Variants in HMGN5 observed in about 807,000 individuals in gnomAD.
HMGN5 encodes high mobility group nucleosome-binding domain-containing protein 5.
Under a neutral mutation model 9.5 loss-of-function variants are expected in HMGN5, and 4 were observed. The observed-to-expected ratio is 0.42, with a 90% CI of 0.21 to 0.96. The LOEUF is 0.96. HMGN5 is among the 40% of genes least tolerant of loss of function. The probability of loss-of-function intolerance (pLI) is 0.30; values close to 1 mark genes in which losing one functional copy is unlikely to be tolerated. For missense variants in HMGN5, 192 were observed against 187.5 expected (o/e 1.02, Z -0.14); for synonymous variants, 55 against 57.1 (o/e 0.96, Z 0.16).
At chrX:81,123,752 C>T (rs2075275431) in intron 1 of HMGN5, among the ~76,000 whole-genome samples, 1 of 112,165 alleles carries the variant, frequency 8.9e-6, no homozygotes, top group South Asian at 3.6e-4. Flanking sequence ...TAGGATTGAG[C>T]AAACAGATGC....
chrX:81,141,496 G>A (rs1016276853), intron 1 of HMGN5, among the ~76,000 whole-genome samples: 8 of 110,101 alleles, frequency 7.3e-5, no homozygotes, highest in African/African-American at 2.3e-4. Flanking sequence ...GAGAGAAAGA[G>A]AGAGAGAGAG....
chrX:81,192,266 C>T (rs1488738868), intron 1 of HMGN5, among the ~76,000 whole-genome samples: 4 of 111,425 alleles, frequency 3.6e-5, no homozygotes, highest in Non-Finnish European at 5.7e-5. Flanking sequence ...TTGAAATGTA[C>T]TCATCAAGCT....
At chrX:81,120,825 A>T (rs2075266453) in intron 2 of HMGN5, among the ~76,000 whole-genome samples, 1 of 111,176 alleles carries the variant, frequency 9.0e-6, no homozygotes, top group African/African-American at 3.3e-5. Flanking sequence ...ATTCTGCACT[A>T]CTAAAGTGAA....
chrX:81,175,318 GTATT>G (rs2075438404), intron 1 of HMGN5, among the ~76,000 whole-genome samples: 2 of 107,769 alleles, frequency 1.9e-5, no homozygotes, highest in Non-Finnish European at 3.8e-5. Context: ...ATTTAGCAAA[GTATT>G]TGAACACAGA....
intron 1 of HMGN5, among the ~76,000 whole-genome samples, chrX:81,150,672 G>C (rs1268827060): frequency 1.8e-5 from 2 of 111,911 alleles, no homozygotes; most frequent in Non-Finnish European, 3.8e-5. Context: ...CAAAACAAAA[G>C]ATCAATGAAA....
intron 1 of HMGN5, among the ~76,000 whole-genome samples, chrX:81,154,987 A>T (rs2075378688): frequency 9.5e-6 from 1 of 105,708 alleles, no homozygotes; most frequent in Non-Finnish European, 1.9e-5. Flanking sequence ...CTAAAAATAG[A>T]GCTACCAAAA....
chrX:81,183,532 A>G (rs1438551940), intron 1 of HMGN5, among the ~76,000 whole-genome samples: 1 of 112,767 alleles, frequency 8.9e-6, no homozygotes, highest in East Asian at 2.8e-4. Flanking sequence ...GGTGGCTTCC[A>G]TGTTGTATTA....
intron 1 of HMGN5, among the ~76,000 whole-genome samples, chrX:81,125,845 T>C (rs2075281795): frequency 9.0e-6 from 1 of 111,186 alleles, no homozygotes; most frequent in African/African-American, 3.3e-5. Flanking sequence ...CGAAAGATCA[T>C]CTATTAAAAT....
At chrX:81,198,766 A>G (rs1204673318) in intron 1 of HMGN5, among the ~76,000 whole-genome samples, 2 of 111,875 alleles carry the variant, frequency 1.8e-5, no homozygotes, top group Non-Finnish European at 3.8e-5. Flanking sequence ...CCCACAGCCA[A>G]TATAATACTG....
chrX:81,151,266 G>A (rs893117395), intron 1 of HMGN5, among the ~76,000 whole-genome samples: 4 of 111,365 alleles, frequency 3.6e-5, no homozygotes, highest in South Asian at 3.7e-4. Context: ...GTAGATATGC[G>A]ACATTATTTC....
chrX:81,188,005 C>G (rs138349914), intron 1 of HMGN5, among the ~76,000 whole-genome samples: 1 of 111,027 alleles, frequency 9.0e-6, no homozygotes, highest in South Asian at 3.7e-4. Context: ...TTATTAAAAA[C>G]CATACATATT....
At chrX:81,196,741 C>T (rs2075509706) in intron 1 of HMGN5, among the ~76,000 whole-genome samples, 1 of 110,067 alleles carries the variant, frequency 9.1e-6, no homozygotes, top group Non-Finnish European at 1.9e-5. Context: ...GGGGTTTCAC[C>T]TTGTTGGCCA....
intron 1 of HMGN5, among the ~76,000 whole-genome samples, chrX:81,129,179 G>T (rs1447900883): frequency 1.8e-5 from 2 of 111,281 alleles, no homozygotes; most frequent in Non-Finnish European, 3.8e-5. Context: ...GTGGAAGAGG[G>T]TCATCTCTGA....
chrX:81,133,745 A>G, intron 1 of HMGN5, among the ~76,000 whole-genome samples: 1 of 111,091 alleles, frequency 9.0e-6, no homozygotes, highest in Middle Eastern at 4.6e-3. Flanking sequence ...GATCAGGAAA[A>G]ATAACTAATG....
At chrX:81,196,291 T>A (rs761410752) in intron 1 of HMGN5, among the ~76,000 whole-genome samples, 24 of 110,658 alleles carry the variant, frequency 2.2e-4, no homozygotes, top group Non-Finnish European at 1.7e-4. Flanking sequence ...AGTGATGTTG[T>A]TGGTTCTTCT....
At chrX:81,175,616 A>T (rs1409024554) in intron 1 of HMGN5, among the ~76,000 whole-genome samples, 1 of 111,184 alleles carries the variant, frequency 9.0e-6, no homozygotes, top group Admixed American at 9.6e-5. Context: ...GAAAATTTAT[A>T]TATCCCAGAG....
At chrX:81,116,369 T>C (rs767177113) in intron 5 of HMGN5, 28 bp from the exon 6 acceptor site, 1 of 1,067,313 alleles carries the variant, frequency 9.4e-7, no homozygotes, top group Non-Finnish European at 1.3e-6. Context: ...ACAATGAAAG[T>C]AAATATACAA....
rs1027667268 is a variant in HMGN5 at position 81,126,433 on chromosome X, A to C, written c.-123-4761T>G. 2.7e-5 allele frequency among the ~76,000 whole-genome samples: 3 copies of C among 111,436 alleles called. 1 individual carries two copies. The highest frequency in any genetic ancestry group is 8.5e-3 in the Middle Eastern group (2 of 236). On this transcript the variant is annotated intron_variant, in intron 1 of 6. Coordinates refer to ENST00000358130, the MANE Select transcript of HMGN5 (RefSeq NM_030763.3). ...TCTAGTCAGTTTTCTATACCTCAAG[A>C]AAGTAGAAAATTCAGAAGAGAAAAA...
chrX:81,162,231 A>G (rs2075399289), intron 1 of HMGN5, among the ~76,000 whole-genome samples: 1 of 110,524 alleles, frequency 9.0e-6, no homozygotes, highest in African/African-American at 3.3e-5. Flanking sequence ...CTTTTGTCTG[A>G]TAGAGTGGAT....
Sources: gnomAD v4.1 joint callset for allele counts (sites outside exome capture counted in the v4.1 genomes callset) on GRCh38, gnomAD v4.1.1 for gene constraint, MANE v1.5 for transcripts, NCBI Gene and HGNC (gene_info 2026-07-23, HGNC 2026-07-21) for gene names.